GINM1: variants seen among roughly 807,000 people sequenced by gnomAD.
GINM1 encodes glycoprotein integral membrane protein 1.
Under a neutral mutation model 37.8 loss-of-function variants are expected in GINM1, and 29 were observed. The ratio of observed to expected loss-of-function variants is 0.77; its 90% CI spans 0.57 to 1.05. The LOEUF (loss-of-function observed/expected upper bound fraction) is 1.05, where lower values mean the gene tolerates loss of function less well. Among genes scored for constraint, GINM1 ranks in the 50% least tolerant of loss-of-function variants. The pLI is 0.00. For missense variants in GINM1, 377 were observed against 397.9 expected, an observed-to-expected ratio of 0.95 and a Z score of 0.45; for synonymous variants, 143 against 146.2, an observed-to-expected ratio of 0.98 and a Z score of 0.16.
intron 4 of GINM1, among the ~76,000 whole-genome samples, 160 bp downstream of exon 4, chr6:149,579,133 C>T (rs1278681606): frequency 2.6e-5 from 4 of 152,104 alleles, no homozygotes; most frequent in Non-Finnish European, 2.9e-5. Context: ...TTTATTTTAG[C>T]ATTTGAAATG....
rs1360105020 is a variant in GINM1, at chr6:149,591,487, A to G, written c.*649A>G. The G allele has an allele frequency of 6.6e-6, 1 of 152,162 alleles. No individual in the cohort carries two copies. The highest frequency in any genetic ancestry group is 1.9e-4 in the East Asian group (1 of 5,200). 9.4% of individuals were successfully genotyped at this position (152,162 alleles called of 1,614,324 possible). On this transcript the variant is annotated 3_prime_UTR_variant, in exon 8 of 8. Transcript: ENST00000367419. ...TTGTTAAGGAAATTATATCCACTTA[A>G]TTACTATAATATATAAGACTTTATG...
Position 149,566,628 on chromosome 6 carries a change from G to A in GINM1, c.120+94G>A. On this transcript the variant is annotated intron_variant, in intron 1 of 7. Transcript: ENST00000367419. This position sits in a 1 kb window ranked among gnomAD's most constrained non-coding sequence, Gnocchi z 4.4. Reference sequence around the variant, plus strand: ...GTGACGCTTCCCACATCCCACCGGCGGGCAGGGGCGGGGGTCCGGGCCCCC... The same window carrying A: ...GTGACGCTTCCCACATCCCACCGGCAGGCAGGGGCGGGGGTCCGGGCCCCC... The A allele has an allele frequency of 7.3e-7, 1 of 1,364,442 alleles. No individual in the cohort carries two copies. The allele number at this position is 1,364,442 out of a possible 1,614,324, so 84.5% of individuals were successfully genotyped here.
intron 7 of GINM1, among the ~76,000 whole-genome samples, chr6:149,585,321 T>G (rs746150451): frequency 1.3e-5 from 2 of 152,208 alleles, no homozygotes; most frequent in Non-Finnish European, 2.9e-5. Context: ...ATCCCTTCTC[T>G]GTTCTTCAAT....
rs1303803312 is a variant in GINM1 at position 149,590,900 on chromosome 6, A to G, written c.*62A>G. ...TTGCCTCCAAATTTGCCACTTGAATATAATTTTCTTTAAATCGTTAAGAAT... is the reference window on the plus strand; with the variant it reads ...TTGCCTCCAAATTTGCCACTTGAATGTAATTTTCTTTAAATCGTTAAGAAT... On this transcript the variant is annotated 3_prime_UTR_variant, in exon 8 of 8. Transcript: ENST00000367419. The G allele has an allele frequency of 5.3e-6, 4 of 752,444 alleles. No homozygotes were observed. In the East Asian group the frequency reaches 7.6e-5, roughly 14 times the overall value. The allele number at this position is 752,444 out of a possible 1,614,324, so 46.6% of individuals were successfully genotyped here.
Position 149,566,650 on chromosome 6 carries a change from C to A in GINM1, c.120+116C>A. ...GGCGGGCAGGGGCGGGGGTCCGGGC[C>A]CCCGAAGGAGGTGTGGGGAGAAGCA... On this transcript the variant is annotated intron_variant, in intron 1 of 7. Coordinates refer to ENST00000367419, the MANE Select transcript of GINM1 (RefSeq NM_138785.5). The surrounding 1 kb of genome is among the most constrained non-coding windows in gnomAD (Gnocchi z 4.4). The A allele has an allele frequency of 1.5e-6, 2 of 1,322,452 alleles. No homozygotes were observed. The highest frequency in any genetic ancestry group is 3.4e-5 in the South Asian group (2 of 59,652). 81.9% of individuals were successfully genotyped at this position (1,322,452 alleles called of 1,614,324 possible). A position where few individuals can be genotyped will look rare whatever the true frequency, so the allele number is the denominator to read the frequency against.
At position 149,571,646 on chromosome 6, in the gene GINM1, C is replaced by G. The variant is rs142502280; in HGVS notation, c.121-639C>G. ...TCCTTCTGGGGGGATAGAGGGCAAT[C>G]ATGCAGAGCCTGCCAAGGTAGGGGT... On this transcript the variant is annotated intron_variant, in intron 1 of 7. Transcript: ENST00000367419. Among the ~76,000 whole-genome samples the G allele has an allele frequency of 2.0e-5, 3 of 152,176 alleles. No homozygotes were observed. The East Asian group carries it at 5.8e-4, about 29-fold the overall frequency.
chr6:149,566,504 C>G lies in GINM1; in HGVS notation c.90C>G (p.Pro30=). Residue 30 remains proline, a synonymous_variant, in exon 1 of 8, where the codon CCC becomes CCG. Transcript: ENST00000367419. The surrounding 1 kb of genome is among the most constrained non-coding windows in gnomAD (Gnocchi z 4.4). ...CCGGCTGGCTGACGACGGGCGCCCC[C>G]GAGCCGCCGCCGCTGTCCGGAGCCC... is the stretch of plus-strand genomic sequence containing the variant. ...PASGWLTTGA[P]EPPPLSGAPQ... is the part of the protein sequence containing the mutation. The G allele has an allele frequency of 6.5e-7, 1 of 1,534,726 alleles. No individual in the cohort carries two copies. The highest frequency in any genetic ancestry group is 2.0e-5 in the Admixed American group (1 of 51,052).
At chr6:149,573,631 G>C (rs1341536060) in intron 3 of GINM1, among the ~76,000 whole-genome samples, 3 of 152,162 alleles carry the variant, frequency 2.0e-5, no homozygotes, top group African/African-American at 4.8e-5. Flanking sequence ...ACTTTGGGAG[G>C]CTGAGGCGGG....
At chr6:149,567,074 TGGA>T (rs1279097978) in intron 1 of GINM1, among the ~76,000 whole-genome samples, 3 of 152,144 alleles carry the variant, frequency 2.0e-5, no homozygotes, top group Admixed American at 1.3e-4. Context: ...TGTCGGATGT[TGGA>T]GGAGAAGTTC....
intron 1 of GINM1, 58 bp from the exon 2 acceptor site, chr6:149,572,227 C>T (rs568062561): frequency 5.2e-6 from 5 of 966,580 alleles, no homozygotes; most frequent in East Asian, 2.4e-5. Context: ...GAGAAAGCCA[C>T]GTTGTTCTCA....
chr6:149,589,276 T>C (rs1332596196), intron 7 of GINM1, among the ~76,000 whole-genome samples: 2 of 151,716 alleles, frequency 1.3e-5, no homozygotes, highest in East Asian at 3.9e-4. Context: ...TATTTATTTA[T>C]TTATTTATAT....
intron 5 of GINM1, among the ~76,000 whole-genome samples, chr6:149,580,213 G>A (rs1777978980): frequency 6.6e-6 from 1 of 152,180 alleles, no homozygotes; most frequent in Admixed American, 6.5e-5. Context: ...TGGAGCATTA[G>A]TAGAATGTGA....
chr6:149,568,026 G>A (rs1473631491), intron 1 of GINM1, among the ~76,000 whole-genome samples: 2 of 152,166 alleles, frequency 1.3e-5, no homozygotes, highest in African/African-American at 4.8e-5. Context: ...CTGCATTGTC[G>A]GCTGGCTCTT....
chr6:149,582,236 G>A (rs1778013818), intron 6 of GINM1: 1 of 605,302 alleles, frequency 1.7e-6, no homozygotes, highest in African/African-American at 1.9e-5. Context: ...AAAGTTGTAA[G>A]TAACTTCATT....
At chr6:149,585,738 A>G (rs1052094184) in intron 7 of GINM1, among the ~76,000 whole-genome samples, 3 of 151,844 alleles carry the variant, frequency 2.0e-5, no homozygotes, top group Non-Finnish European at 4.4e-5. Context: ...GACTACAGGC[A>G]CCCACCACCA....
chr6:149,590,318 G>A (rs1218204090), intron 7 of GINM1, among the ~76,000 whole-genome samples: 2 of 152,146 alleles, frequency 1.3e-5, no homozygotes, highest in South Asian at 4.1e-4. Context: ...ATCCAAAGAC[G>A]TACTCTCTGG....
intron 4 of GINM1, 109 bp downstream of exon 4, chr6:149,579,082 C>T: frequency 1.8e-6 from 1 of 551,394 alleles, no homozygotes. Context: ...AAGGAAGGTG[C>T]CTAATGTTGC....
In GINM1 at chr6:149,590,814, C is replaced by T; in HGVS notation, c.969C>T (p.Asn323=). ...YPDGPEKRAE[N]LEDKTCI The stretch of plus-strand genomic sequence containing the variant: ...ATGGTCCAGAGAAAAGAGCTGAAAA[C>T]CTTGAAGATAAAACATGTATTTAAA... The change falls in exon 8 of 8, where the codon AAC becomes AAT. Residue 323 remains asparagine (N), a synonymous_variant. Coordinates refer to ENST00000367419, the MANE Select transcript of GINM1 (RefSeq NM_138785.5). 6.3e-7 allele frequency: 1 copy of T among 1,585,566 alleles called. No individual in the cohort carries two copies. The highest frequency in any genetic ancestry group is 1.1e-5 in the South Asian group (1 of 90,264).
In GINM1 at chr6:149,579,936, T is replaced by G; in HGVS notation, c.532T>G (p.Ser178Ala). ...TLPLEESMLY[S>A]ISRDSDILFT... ...CCCTTTGGAAGAAAGCATGCTCTAC[T>G]CTATTTCTCGAGACAGTGACATTTT... Residue 178 changes from serine (S) to alanine (A), a missense_variant, in exon 5 of 8, where the codon TCT becomes GCT. By Grantham distance (99) the Ser-to-Ala change is moderately conservative. Transcript: ENST00000367419. The G allele has an allele frequency of 1.9e-6, 3 of 1,611,044 alleles. No individual in the cohort carries two copies. Among genetic ancestry groups the G allele is most frequent in the Non-Finnish European group, 2.5e-6 (3 of 1,177,710 alleles).
Sources: gnomAD v4.1 joint callset for allele counts (sites outside exome capture counted in the v4.1 genomes callset) on GRCh38, gnomAD v4.1.1 for gene constraint, Gnocchi (gnomAD v3.1) non-coding constraint, MANE v1.5 for transcripts, NCBI Gene and HGNC (gene_info 2026-07-23, HGNC 2026-07-21) for gene names.